Variants in BAZ2B observed in about 807,000 individuals in gnomAD.
BAZ2B encodes bromodomain adjacent to zinc finger domain 2B.
BAZ2B carries 91 observed loss-of-function variants against 246.0 expected under a neutral mutation model. That is an observed-to-expected ratio of 0.37 (90% CI 0.31 to 0.44). The LOEUF is 0.44. Among genes scored for constraint, BAZ2B ranks in the 20% least tolerant of loss-of-function variants. BAZ2B has a pLI of 1.00. For missense variants in BAZ2B, 2,332 were observed against 2,533.7 expected, an observed-to-expected ratio of 0.92 and a Z score of 1.71; for synonymous variants, 855 against 860.0, an observed-to-expected ratio of 0.99 and a Z score of 0.10.
At chr2:159,465,961 T>C (rs2076991210) in intron 3 of BAZ2B, among the ~76,000 whole-genome samples, 1 of 151,912 alleles carries the variant, frequency 6.6e-6, no homozygotes, top group Admixed American at 6.6e-5. Flanking sequence ...TATAGATGCC[T>C]ACAACATTAA....
At chr2:159,501,644 A>G (rs2081857139) in intron 2 of BAZ2B, among the ~76,000 whole-genome samples, 1 of 152,160 alleles carries the variant, frequency 6.6e-6, no homozygotes, top group Non-Finnish European at 1.5e-5. Context: ...ATGTAGTCTT[A>G]TGATAAAACC....
intron 2 of BAZ2B, among the ~76,000 whole-genome samples, chr2:159,490,577 C>T (rs1214574167): frequency 1.3e-5 from 2 of 152,138 alleles, no homozygotes; most frequent in Non-Finnish European, 2.9e-5. Context: ...AGTGCAGTGG[C>T]GTGATCACAG....
chr2:159,427,859 C>T (rs1033982573), intron 13 of BAZ2B, 82 bp downstream of exon 13: 6 of 1,121,136 alleles, frequency 5.4e-6, no homozygotes, highest in Non-Finnish European at 8.0e-6. Context: ...AGGCAATGCT[C>T]CAGAGTGTAG....
intron 4 of BAZ2B, among the ~76,000 whole-genome samples, chr2:159,449,834 T>TAA (rs1216812999): frequency 1.3e-5 from 2 of 152,166 alleles, no homozygotes; most frequent in East Asian, 3.8e-4. Context: ...AATCTTGTTA[T>TAA]TTATAAGTTT....
the BAZ2B span, among the ~76,000 whole-genome samples, chr2:159,679,155 C>G: frequency 6.6e-6 from 1 of 151,402 alleles, no homozygotes; most frequent in African/African-American, 2.4e-5. Context: ...GCCTGTAGTC[C>G]CAGCTACTTG....
At chr2:159,457,701 T>C (rs2075947801) in intron 3 of BAZ2B, among the ~76,000 whole-genome samples, 1 of 152,142 alleles carries the variant, frequency 6.6e-6, no homozygotes, top group Non-Finnish European at 1.5e-5. Flanking sequence ...ACCACAATTT[T>C]CACATTTCCA....
intron 2 of BAZ2B, among the ~76,000 whole-genome samples, chr2:159,507,540 G>T: frequency 6.6e-6 from 1 of 152,110 alleles, no homozygotes; most frequent in East Asian, 1.9e-4. Context: ...GGTATTAAGG[G>T]TTTTTGAATG....
chr2:159,675,012 C>G, the BAZ2B span, among the ~76,000 whole-genome samples: 1 of 151,836 alleles, frequency 6.6e-6, no homozygotes, highest in Non-Finnish European at 1.5e-5. Flanking sequence ...ATATAAAACG[C>G]TCTTGGGGAG....
rs920222761 is a variant in BAZ2B, at chr2:159,454,315, A to C, written c.146-514T>G. 5.3e-5 allele frequency among the ~76,000 whole-genome samples: 8 copies of C among 152,134 alleles called. No individual in the cohort carries two copies. In the East Asian group the frequency reaches 1.5e-3, roughly 29 times the overall value. On this transcript the variant is annotated intron_variant, in intron 3 of 36. Transcript: ENST00000392783. ...AGCTCTGTTCTCTAACACAGTCATGAGTTGTTTAATGATGGGGATGCATTC... is the reference window on the plus strand; with the variant it reads ...AGCTCTGTTCTCTAACACAGTCATGCGTTGTTTAATGATGGGGATGCATTC...
rs768136268 is a variant in BAZ2B, at chr2:159,478,658, G to A, written c.62C>T (p.Ser21Leu). 2.7e-5 allele frequency: 44 copies of A among 1,610,860 alleles called. No homozygotes were observed. Among genetic ancestry groups the A allele is most frequent in the Non-Finnish European group, 3.5e-5 (41 of 1,178,194 alleles). Residue 21 changes from serine to leucine, a missense_variant, in exon 3 of 37, where the codon TCG becomes TTG. Around this residue, in one of 9 missense-constraint regions of BAZ2B, gnomAD observed 242 missense variants for 237.4 expected, o/e 1.02. Coordinates refer to ENST00000392783, the MANE Select transcript of BAZ2B (RefSeq NM_013450.4). ...AACTACTGAAGCCACAGAAGGTGTC[G>A]AAGATGAAGTTGGTGTAGTAGAGGA... ...AASSTTPTSS[S>L]TPSVASVVSK...
chr2:159,369,726 T>A (rs1393910421), intron 27 of BAZ2B, among the ~76,000 whole-genome samples: 1 of 152,126 alleles, frequency 6.6e-6, no homozygotes, highest in African/African-American at 2.4e-5. Context: ...AGGTGATTCA[T>A]AAGGTTAAAA....
chr2:159,683,615 G>A, the BAZ2B span, among the ~76,000 whole-genome samples: 9 of 152,144 alleles, frequency 5.9e-5, no homozygotes, highest in Non-Finnish European at 1.3e-4. Flanking sequence ...TGTCAGAAGC[G>A]TGAAATGAAT....
At chr2:159,444,349 T>G (rs746496239) in intron 6 of BAZ2B, 1 of 152,174 alleles carries the variant, frequency 6.6e-6, no homozygotes, top group African/African-American at 2.4e-5. Flanking sequence ...TTGGGGCCTA[T>G]GTACAGTACT....
intron 25 of BAZ2B, among the ~76,000 whole-genome samples, chr2:159,376,627 ATCT>A (rs557689335): frequency 3.2e-4 from 49 of 152,342 alleles, no homozygotes; most frequent in African/African-American, 1.1e-3. Flanking sequence ...TTCTAAAATG[ATCT>A]TCTGATCAGC....
rs564614568 is a variant in BAZ2B at position 159,519,210 on chromosome 2, C to CTTTTTTTTTTTT, written c.-3+36601_-3+36612dup. ...AAATTCCAACTTCATATTCTATTTT[C>CTTTTTTTTTTTT]TTTTTTTTTTTTTTTTTTTTTTTTT... is the stretch of plus-strand genomic sequence containing the variant. On this transcript the variant is annotated intron_variant, in intron 2 of 36. Transcript: ENST00000392783. Among the ~76,000 whole-genome samples the CTTTTTTTTTTTT allele has an allele frequency of 1.3e-3, 78 of 57,780 alleles. 13 individuals carry two copies. Among genetic ancestry groups the CTTTTTTTTTTTT allele is most frequent in the African/African-American group, 1.5e-3 (25 of 16,622 alleles). 37.9% of individuals were successfully genotyped at this position (57,780 alleles called of 152,430 possible).
chr2:159,706,859 T>C, the BAZ2B span, among the ~76,000 whole-genome samples: 14 of 152,172 alleles, frequency 9.2e-5, no homozygotes, highest in African/African-American at 3.4e-4. Context: ...TACAATCTGT[T>C]GACTTTAAAG....
chr2:159,541,315 G>A (rs796469490), intron 2 of BAZ2B, among the ~76,000 whole-genome samples: 8 of 151,760 alleles, frequency 5.3e-5, no homozygotes, highest in East Asian at 1.9e-4. Flanking sequence ...GTCTCGCTCC[G>A]TTGCCCAGGC....
At chr2:159,661,688 T>C in the BAZ2B span, among the ~76,000 whole-genome samples, 2 of 152,218 alleles carry the variant, frequency 1.3e-5, no homozygotes, top group Non-Finnish European at 2.9e-5. Flanking sequence ...GTGTGTTTTA[T>C]TGTGTAAATT....
At chr2:159,381,421 A>C (rs1005706271) in intron 25 of BAZ2B, among the ~76,000 whole-genome samples, 1 of 152,142 alleles carries the variant, frequency 6.6e-6, no homozygotes, top group Non-Finnish European at 1.5e-5. Context: ...TGGCAACAAT[A>C]GCATGAAGTC....
Sources: gnomAD v4.1 joint callset for allele counts (sites outside exome capture counted in the v4.1 genomes callset) on GRCh38, gnomAD v4.1.1 for gene constraint, gnomAD v4.1.1 regional missense constraint, MANE v1.5 for transcripts, NCBI Gene and HGNC (gene_info 2026-07-23, HGNC 2026-07-21) for gene names.